Variants in ZSCAN25 observed in about 807,000 individuals in gnomAD.
The protein encoded by ZSCAN25 is zinc finger and SCAN domain containing 25.
In ZSCAN25, 27 loss-of-function variants were observed where a neutral mutation model predicts 38.7. The observed-to-expected ratio is 0.70, with a 90% confidence interval of 0.51 to 0.96. The LOEUF is 0.96. Among genes scored for constraint, ZSCAN25 ranks in the 40% least tolerant of loss-of-function variants. ZSCAN25 has a pLI of 0.00. For missense variants in ZSCAN25, 637 were observed against 705.9 expected (o/e 0.90, Z 1.11); for synonymous variants, 273 against 277.7 (o/e 0.98, Z 0.17).
chr7:99,714,166 G>T, the ZSCAN25 span, among the ~76,000 whole-genome samples: 22 of 152,260 alleles, frequency 1.4e-4, no homozygotes, highest in African/African-American at 5.3e-4. Flanking sequence ...TAATAGCCTT[G>T]TACTTGAAAT....
At chr7:99,682,870 T>A in the ZSCAN25 span, among the ~76,000 whole-genome samples, 1 of 152,208 alleles carries the variant, frequency 6.6e-6, no homozygotes. Flanking sequence ...TAGTTTTATT[T>A]GGGGTTATTG....
At chr7:99,660,809 G>C in the ZSCAN25 span, 4 of 923,458 alleles carry the variant, frequency 4.3e-6, no homozygotes, top group Admixed American at 8.2e-5. Context: ...ATTCTGATAT[G>C]TATCTTATAC....
chr7:99,636,006 C>T (rs1808266639), downstream of ZSCAN25, among the ~76,000 whole-genome samples: 1 of 140,120 alleles, frequency 7.1e-6, no homozygotes, highest in Admixed American at 7.5e-5. Context: ...GAGATCGCGC[C>T]ACTGCACTCC....
the ZSCAN25 span, among the ~76,000 whole-genome samples, chr7:99,654,439 C>A: frequency 1.3e-5 from 2 of 152,180 alleles, no homozygotes; most frequent in Non-Finnish European, 2.9e-5. Flanking sequence ...GCATAGCATT[C>A]CATGGTGTAT....
chr7:99,658,149 G>A, the ZSCAN25 span, among the ~76,000 whole-genome samples: 1,031 of 152,198 alleles, frequency 6.8e-3, 7 homozygotes, highest in African/African-American at 0.022. Context: ...TATTTTGCTC[G>A]TTAGTTGATG....
the ZSCAN25 span, among the ~76,000 whole-genome samples, chr7:99,689,545 G>A: frequency 6.6e-6 from 1 of 151,580 alleles, no homozygotes; most frequent in Non-Finnish European, 1.5e-5. Context: ...AACCAAAAAA[G>A]TCCAGGACCC....
intron 7 of ZSCAN25, among the ~76,000 whole-genome samples, chr7:99,626,024 G>A (rs577465024): frequency 7.2e-5 from 11 of 152,346 alleles, no homozygotes; most frequent in African/African-American, 2.6e-4. Flanking sequence ...TGAATGCACA[G>A]GGCAGGGTTG....
At position 99,629,845 on chromosome 7, in the gene ZSCAN25, G is replaced by A; in HGVS notation, c.1460G>A (p.Gly487Glu). Residue 487 changes from glycine to glutamate, a missense_variant, in exon 8 of 8, where the codon GGG becomes GAG. Transcript: ENST00000394152. This position sits in a 1 kb window ranked among gnomAD's most constrained non-coding sequence, Gnocchi z 5.6. ...RRAHTGEKPY[G>E]CQVCGKRFSK... ...GCCCACACTGGCGAGAAGCCATATG[G>A]GTGCCAGGTGTGCGGGAAGCGGTTC... 1 of 1,614,220 alleles carries A rather than the reference G, an allele frequency of 6.2e-7. No individual in the cohort carries two copies. Among genetic ancestry groups the A allele is most frequent in the Non-Finnish European group, 8.5e-7 (1 of 1,180,024 alleles).
chr7:99,635,924 G>T (rs1240586936), downstream of ZSCAN25, among the ~76,000 whole-genome samples: 2 of 151,842 alleles, frequency 1.3e-5, no homozygotes, highest in South Asian at 4.2e-4. Flanking sequence ...GCGGGCCCCT[G>T]TAGTCCCAAC....
chr7:99,634,899 G>A (rs903445092), downstream of ZSCAN25, among the ~76,000 whole-genome samples: 1 of 151,868 alleles, frequency 6.6e-6, no homozygotes, highest in Non-Finnish European at 1.5e-5. Context: ...CCGAGATCAT[G>A]CCACTGCACT....
chr7:99,631,971 G>C lies in ZSCAN25; in HGVS notation c.*1951G>C. The C allele has an allele frequency of 1.0e-6, 1 of 985,508 alleles. No individual in the cohort carries two copies. The highest frequency in any genetic ancestry group is 1.2e-6 in the Non-Finnish European group (1 of 829,966). The allele number at this position is 985,508 out of a possible 1,614,324, so 61.0% of individuals were successfully genotyped here. On this transcript the variant is annotated 3_prime_UTR_variant, in exon 8 of 8. Transcript: ENST00000394152. ...ACTCAGTGGGAGGCTTCTGGCCTGA[G>C]TGTGGCCTTCCCCAGAGGGTGGTTT...
chr7:99,623,927 C>T (rs1245425878), intron 6 of ZSCAN25, 130 bp from the exon 7 acceptor site: 9 of 1,337,416 alleles, frequency 6.7e-6, no homozygotes, highest in Non-Finnish European at 8.3e-6. Flanking sequence ...TGCAGTGGCT[C>T]AAACAAGTGG....
At chr7:99,625,409 G>A (rs952704625) in intron 7 of ZSCAN25, among the ~76,000 whole-genome samples, 1 of 152,164 alleles carries the variant, frequency 6.6e-6, no homozygotes, top group Non-Finnish European at 1.5e-5. Flanking sequence ...AAATAAAGGC[G>A]CTTGCCTGTG....
the ZSCAN25 span, chr7:99,652,631 G>A: frequency 6.2e-7 from 1 of 1,614,040 alleles, no homozygotes. Flanking sequence ...CACCACCATT[G>A]ACCCTTTGGG....
the ZSCAN25 span, among the ~76,000 whole-genome samples, chr7:99,716,949 A>C: frequency 6.6e-6 from 1 of 152,188 alleles, no homozygotes; most frequent in Non-Finnish European, 1.5e-5. Context: ...AATTTAACAG[A>C]TATGTAAACC....
chr7:99,666,218 A>G, the ZSCAN25 span, among the ~76,000 whole-genome samples: 17 of 152,202 alleles, frequency 1.1e-4, no homozygotes, highest in Non-Finnish European at 2.5e-4. Flanking sequence ...TCCCCATTGT[A>G]ACTTTCCCAT....
chr7:99,652,060 CAG>C, the ZSCAN25 span, among the ~76,000 whole-genome samples: 1 of 151,864 alleles, frequency 6.6e-6, no homozygotes, highest in African/African-American at 2.4e-5. Context: ...CTGTTAAATT[CAG>C]AGAGCTAAAG....
the ZSCAN25 span, chr7:99,713,585 A>C: frequency 6.2e-7 from 1 of 1,611,880 alleles, no homozygotes; most frequent in Non-Finnish European, 8.5e-7. Flanking sequence ...TCGTGAAGTC[A>C]GAAGTTAATC....
chr7:99,621,197 G>A, intron 4 of ZSCAN25, 176 bp from the exon 5 acceptor site: 2 of 479,900 alleles, frequency 4.2e-6, no homozygotes, highest in Non-Finnish European at 6.7e-6. Context: ...CATGAGTTTA[G>A]CTTCCTTTTC....
Sources: allele counts gnomAD v4.1 joint callset (sites outside exome capture counted in the v4.1 genomes callset), GRCh38; gene constraint gnomAD v4.1.1; non-coding constraint Gnocchi (gnomAD v3.1); transcripts MANE v1.5; gene names NCBI Gene and HGNC (gene_info 2026-07-23, HGNC 2026-07-21).